ATP6V1H: variants seen among roughly 807,000 people sequenced by gnomAD.
The protein encoded by ATP6V1H is ATPase H+ transporting V1 subunit H.
A neutral mutation model predicts 71.7 loss-of-function variants in ATP6V1H; 39 were observed. That is an observed-to-expected ratio of 0.54 (90% CI 0.42 to 0.71). The LOEUF (loss-of-function observed/expected upper bound fraction) is 0.71, where lower values mean the gene tolerates loss of function less well. ATP6V1H is among the 30% of genes least tolerant of loss of function. The probability of loss-of-function intolerance (pLI) is 0.00; values close to 1 mark genes in which losing one functional copy is unlikely to be tolerated. For missense variants in ATP6V1H, 509 were observed against 594.9 expected (o/e 0.86, Z 1.50); for synonymous variants, 192 against 199.3 (o/e 0.96, Z 0.31).
At position 53,755,711 on chromosome 8, in the gene ATP6V1H, TATATATATATATATATATATATATATATA is replaced by T. The variant is rs1563451020; in HGVS notation, c.1277+815_1277+843del. Among the ~76,000 whole-genome samples, 24 of 5,106 alleles carry T rather than the reference TATATATATATATATATATATATATATATA, an allele frequency of 4.7e-3. 1 individual carries two copies. Among genetic ancestry groups the T allele is most frequent in the East Asian group, 0.013 (2 of 152 alleles). 3.3% of individuals were successfully genotyped at this position (5,106 alleles called of 152,430 possible). Reference sequence around the variant, plus strand: ...ATATATATATATATATATATATATATATATATATATATATATATATATATATATATATATTTTTTTTTTTTTTTTTTTTT... The same window carrying T: ...ATATATATATATATATATATATATATTATATTTTTTTTTTTTTTTTTTTTT... On this transcript the variant is annotated intron_variant, in intron 12 of 13. Transcript: ENST00000359530.
rs186904908 is a variant in ATP6V1H at position 53,829,079 on chromosome 8, T to C, written c.306+365A>G. On this transcript the variant is annotated intron_variant, in intron 4 of 13. Coordinates refer to ENST00000359530, the MANE Select transcript of ATP6V1H (RefSeq NM_015941.4). ...GGGCCCGGCACTGGCCTAGAACATA[T>C]GAGCACTGAAATGTGTTGACTGATT... Among the ~76,000 whole-genome samples, 9 of 152,274 alleles carry C rather than the reference T, an allele frequency of 5.9e-5. No individual in the cohort carries two copies. In the East Asian group the frequency reaches 1.4e-3, roughly 23 times the overall value.
intron 4 of ATP6V1H, among the ~76,000 whole-genome samples, chr8:53,823,954 T>C (rs575345556): frequency 2.0e-5 from 3 of 147,546 alleles, no homozygotes; most frequent in East Asian, 4.0e-4. Context: ...ATCCTGACTC[T>C]GAAAAAAATT....
chr8:53,759,168 C>T (rs1371628280), intron 11 of ATP6V1H, among the ~76,000 whole-genome samples: 1 of 152,194 alleles, frequency 6.6e-6, no homozygotes, highest in Admixed American at 6.5e-5. Context: ...AATGTTAGAA[C>T]TGGAAGGAAT....
chr8:53,752,198 T>A (rs955044644), intron 12 of ATP6V1H, among the ~76,000 whole-genome samples: 2 of 152,220 alleles, frequency 1.3e-5, no homozygotes, highest in African/African-American at 4.8e-5. Context: ...GAAAAAAAAT[T>A]AATGAGGGCT....
chr8:53,828,681 A>G (rs1479770688), intron 4 of ATP6V1H, among the ~76,000 whole-genome samples: 1 of 152,214 alleles, frequency 6.6e-6, no homozygotes, highest in African/African-American at 2.4e-5. Flanking sequence ...AGACAGCACC[A>G]TTCTGCCCAA....
chr8:53,794,350 C>T (rs954295645), intron 9 of ATP6V1H, among the ~76,000 whole-genome samples: 13 of 151,926 alleles, frequency 8.6e-5, no homozygotes, highest in African/African-American at 2.7e-4. Flanking sequence ...TACATCTGTA[C>T]CACTTTTTAT....
intron 12 of ATP6V1H, among the ~76,000 whole-genome samples, chr8:53,751,857 A>G (rs2130230096): frequency 6.6e-6 from 1 of 152,078 alleles, no homozygotes; most frequent in Middle Eastern, 3.4e-3. Context: ...TTTAGTAGAG[A>G]CGGGGTTTCA....
At chr8:53,769,844 C>A in intron 10 of ATP6V1H, 101 bp from the exon 11 acceptor site, 1 of 1,024,670 alleles carries the variant, frequency 9.8e-7, no homozygotes, top group Non-Finnish European at 1.4e-6. Context: ...ATTACAAAGA[C>A]TGACCATCCT....
chr8:53,726,341 T>G (rs1806811474), intron 13 of ATP6V1H, among the ~76,000 whole-genome samples: 1 of 152,202 alleles, frequency 6.6e-6, no homozygotes, highest in African/African-American at 2.4e-5. Flanking sequence ...AAAAATTTAT[T>G]TCAGGAAACT....
Position 53,715,771 on chromosome 8 carries a change from G to A in ATP6V1H, c.*193C>T. 4.2e-6 allele frequency: 2 copies of A among 471,714 alleles called. No homozygotes were observed. Among genetic ancestry groups the A allele is most frequent in the Non-Finnish European group, 7.6e-6 (2 of 262,864 alleles). 29.2% of individuals were successfully genotyped at this position (471,714 alleles called of 1,614,324 possible). A position where few individuals can be genotyped will look rare whatever the true frequency, so the allele number is the denominator to read the frequency against. ...AACAGTAATATTTTCTTTAAATACA[G>A]AATCACCTACTTTTATACAACTTAA... On this transcript the variant is annotated 3_prime_UTR_variant, in exon 14 of 14. Transcript: ENST00000359530.
intron 13 of ATP6V1H, among the ~76,000 whole-genome samples, chr8:53,740,507 G>A (rs1398751268): frequency 6.6e-6 from 1 of 152,132 alleles, no homozygotes; most frequent in Non-Finnish European, 1.5e-5. Flanking sequence ...TTTCACTATG[G>A]AGGGCTAAAA....
intron 2 of ATP6V1H, among the ~76,000 whole-genome samples, chr8:53,836,912 G>T (rs549095420): frequency 1.3e-5 from 2 of 152,248 alleles, no homozygotes; most frequent in South Asian, 2.1e-4. Flanking sequence ...AGACAGAGCC[G>T]GGTGGATCAC....
chr8:53,792,627 A>G (rs1014828399), intron 9 of ATP6V1H, among the ~76,000 whole-genome samples: 4 of 152,216 alleles, frequency 2.6e-5, no homozygotes, highest in African/African-American at 7.2e-5. Flanking sequence ...AGGAGATAGC[A>G]GGGTGGTTAA....
chr8:53,755,712 A>AATTTTTTTTTTTTT (rs1808006826), intron 12 of ATP6V1H, among the ~76,000 whole-genome samples: 1 of 4,958 alleles, frequency 2.0e-4, no homozygotes, highest in African/African-American at 1.0e-3. Context: ...ATATATATAT[A>AATTTTTTTTTTTTT]TATATATATA....
chr8:53,738,951 A>G (rs1428574825), intron 13 of ATP6V1H, among the ~76,000 whole-genome samples: 2 of 152,204 alleles, frequency 1.3e-5, no homozygotes, highest in Non-Finnish European at 2.9e-5. Context: ...TTAAAAATCC[A>G]GTTATATTTG....
rs1024002260 is a variant in ATP6V1H, at chr8:53,743,846, T to C, written c.1278-156A>G. On this transcript the variant is annotated intron_variant, in intron 12 of 13. Transcript: ENST00000359530. ...TTTTTACATCATTTTCCCTGAACCA[T>C]AGATTTACAGTATTCAAATACTTTC... The C allele has an allele frequency of 1.7e-5, 10 of 576,008 alleles. No individual in the cohort carries two copies. The Admixed American group carries it at 2.9e-4, about 17-fold the overall frequency. 35.7% of individuals were successfully genotyped at this position (576,008 alleles called of 1,614,324 possible). A position where few individuals can be genotyped will look rare whatever the true frequency, so the allele number is the denominator to read the frequency against.
At chr8:53,790,854 A>C (rs1809543306) in intron 9 of ATP6V1H, among the ~76,000 whole-genome samples, 1 of 152,222 alleles carries the variant, frequency 6.6e-6, no homozygotes, top group Admixed American at 6.5e-5. Context: ...CAGGTTTTAA[A>C]ACGTCAAGGG....
intron 13 of ATP6V1H, among the ~76,000 whole-genome samples, chr8:53,737,013 A>G (rs1807235208): frequency 6.6e-6 from 1 of 152,236 alleles, no homozygotes; most frequent in Non-Finnish European, 1.5e-5. Flanking sequence ...TTACTGATGC[A>G]TGCAGCCCCA....
chr8:53,830,677 G>T (rs1447635226), intron 3 of ATP6V1H, among the ~76,000 whole-genome samples: 1 of 151,926 alleles, frequency 6.6e-6, no homozygotes, highest in Non-Finnish European at 1.5e-5. Flanking sequence ...CATCACACCA[G>T]ACACTGCTAT....
Sources: gnomAD v4.1 joint callset for allele counts (sites outside exome capture counted in the v4.1 genomes callset) on GRCh38, gnomAD v4.1.1 for gene constraint, MANE v1.5 for transcripts, NCBI Gene and HGNC (gene_info 2026-07-23, HGNC 2026-07-21) for gene names.